Variants in NUP98 observed in about 807,000 individuals in gnomAD.
NUP98 encodes the protein nuclear pore complex protein Nup98-Nup96.
Under a neutral mutation model 191.9 loss-of-function variants are expected in NUP98, and 26 were observed. The observed-to-expected ratio is 0.14, with a 90% CI of 0.10 to 0.19. The LOEUF is 0.19. NUP98 is among the 10% of genes least tolerant of loss of function. The pLI is 1.00. For synonymous variants in NUP98, 808 were observed against 778.4 expected (o/e 1.04, Z -0.63); for missense variants, 1,941 against 2,178.8 (o/e 0.89, Z 2.17).
intron 20 of NUP98, among the ~76,000 whole-genome samples, chr11:3,708,667 GA>G (rs2078936405): frequency 6.7e-6 from 1 of 150,302 alleles, no homozygotes; most frequent in African/African-American, 2.5e-5. Flanking sequence ...TATTTTCCTG[GA>G]TATCTTGGCA....
chr11:3,725,002 T>C (rs980250798), intron 15 of NUP98, 101 bp downstream of exon 15: 20 of 605,484 alleles, frequency 3.3e-5, no homozygotes, highest in Non-Finnish European at 5.6e-5. Flanking sequence ...TTCTATGTAA[T>C]ATTCATCAAA....
intron 13 of NUP98, among the ~76,000 whole-genome samples, chr11:3,732,537 G>T (rs542230412): frequency 6.6e-6 from 1 of 151,542 alleles, no homozygotes; most frequent in South Asian, 2.1e-4. Context: ...TTGCTCTGGG[G>T]AAAAAAAAGG....
At chr11:3,788,558 T>C (rs1233751232) in intron 1 of NUP98, among the ~76,000 whole-genome samples, 8 of 152,080 alleles carry the variant, frequency 5.3e-5, no homozygotes. Context: ...GCCACTGCAC[T>C]ACAGCCTGGG....
intron 1 of NUP98, among the ~76,000 whole-genome samples, chr11:3,797,184 A>G (rs2082683661): frequency 6.6e-6 from 1 of 152,172 alleles, no homozygotes; most frequent in Non-Finnish European, 1.5e-5. Context: ...CCTAGACCCC[A>G]CTGATGTCCA....
intron 9 of NUP98, among the ~76,000 whole-genome samples, chr11:3,761,293 T>G (rs771416061): frequency 6.6e-6 from 1 of 152,176 alleles, no homozygotes; most frequent in South Asian, 2.1e-4. Flanking sequence ...AGAGACAAAT[T>G]GTATGGCATG....
At chr11:3,742,488 G>A (rs1329312341) in intron 12 of NUP98, among the ~76,000 whole-genome samples, 2 of 151,972 alleles carry the variant, frequency 1.3e-5, no homozygotes. Context: ...ATCACCTGAG[G>A]TCAGGAGTTC....
intron 16 of NUP98, among the ~76,000 whole-genome samples, chr11:3,722,295 T>C (rs1167187466): frequency 6.6e-6 from 1 of 151,626 alleles, no homozygotes; most frequent in Non-Finnish European, 1.5e-5. Flanking sequence ...TTTAAGTTTA[T>C]TGTAGATATC....
At chr11:3,790,245 C>T (rs1327651090) in intron 1 of NUP98, among the ~76,000 whole-genome samples, 1 of 152,160 alleles carries the variant, frequency 6.6e-6, no homozygotes, top group Non-Finnish European at 1.5e-5. Flanking sequence ...CAATTCTTTT[C>T]CCCTTGACTA....
Position 3,708,646 on chromosome 11 carries a change from G to C in NUP98, c.2743-2019C>G, listed in dbSNP as rs534559690. Among the ~76,000 whole-genome samples, 10 of 150,022 alleles carry C rather than the reference G, an allele frequency of 6.7e-5. No homozygotes were observed. In the South Asian group the frequency reaches 2.1e-3, roughly 31 times the overall value. On this transcript the variant is annotated intron_variant, in intron 20 of 32. Transcript: ENST00000324932. ...TAACTGCAACATACTCCCCAAAGCT[G>C]TCTGTGTACTTATTTTCCTGGATAT... is the stretch of plus-strand genomic sequence containing the variant.
At chr11:3,680,417 T>C (rs1163576910) in intron 30 of NUP98, among the ~76,000 whole-genome samples, 1 of 152,202 alleles carries the variant, frequency 6.6e-6, no homozygotes, top group Non-Finnish European at 1.5e-5. Flanking sequence ...TTCCATCACA[T>C]CTGCAAGTAC....
intron 19 of NUP98, among the ~76,000 whole-genome samples, chr11:3,713,134 C>G (rs1564833324): frequency 6.6e-6 from 1 of 152,168 alleles, no homozygotes; most frequent in African/African-American, 2.4e-5. Flanking sequence ...CTATTACGGA[C>G]AGTCAACCTC....
chr11:3,726,752 T>A (rs1222271292), intron 14 of NUP98, among the ~76,000 whole-genome samples: 1 of 151,964 alleles, frequency 6.6e-6, no homozygotes, highest in East Asian at 1.9e-4. Context: ...AAACATCTGA[T>A]GTTACCATCA....
chr11:3,702,121 C>G (rs1235816423), intron 23 of NUP98, among the ~76,000 whole-genome samples: 1 of 151,800 alleles, frequency 6.6e-6, no homozygotes, highest in East Asian at 1.9e-4. Flanking sequence ...GCATGTAATC[C>G]CAGCTTATCA....
intron 30 of NUP98, 74 bp downstream of exon 30, chr11:3,683,126 C>G: frequency 6.3e-7 from 1 of 1,587,372 alleles, no homozygotes; most frequent in Non-Finnish European, 8.6e-7. Context: ...TATTTCCAGT[C>G]TGACCCCATC....
intron 14 of NUP98, among the ~76,000 whole-genome samples, chr11:3,726,521 A>G (rs2079624551): frequency 6.7e-6 from 1 of 149,672 alleles, no homozygotes; most frequent in Non-Finnish European, 1.5e-5. Flanking sequence ...GACGCCACTG[A>G]CATTAAAAAA....
chr11:3,681,187 C>T (rs1299009894), intron 30 of NUP98, among the ~76,000 whole-genome samples: 3 of 152,140 alleles, frequency 2.0e-5, no homozygotes, highest in African/African-American at 7.2e-5. Flanking sequence ...AATATAGGCA[C>T]GCACCACCAT....
intron 18 of NUP98, among the ~76,000 whole-genome samples, chr11:3,716,790 A>C (rs1254221893): frequency 1.3e-5 from 2 of 152,156 alleles, no homozygotes; most frequent in East Asian, 1.9e-4. Context: ...GTATGCCACT[A>C]CCATACTGTT....
At position 3,714,054 on chromosome 11, in the gene NUP98, C is replaced by T. The variant is rs1348810461; in HGVS notation, c.2400-59G>A. 8 of 1,495,854 alleles carry T rather than the reference C, an allele frequency of 5.3e-6. No homozygotes were observed. In the East Asian group the frequency reaches 9.0e-5, roughly 17 times the overall value. 92.7% of individuals were successfully genotyped at this position (1,495,854 alleles called of 1,614,324 possible). On this transcript the variant is annotated intron_variant, in intron 18 of 32. Coordinates refer to ENST00000324932, the MANE Select transcript of NUP98 (RefSeq NM_016320.5). ...AAGTAAAAGCGCTTCATATATAAGA[C>T]CAGAAAGCCACCTAACACATAAATA...
At chr11:3,756,889 C>T (rs1257479127) in intron 10 of NUP98, among the ~76,000 whole-genome samples, 1 of 149,304 alleles carries the variant, frequency 6.7e-6, no homozygotes, top group Non-Finnish European at 1.5e-5. Context: ...AGATCGAGAC[C>T]ATCCCGGCTA....
Sources: allele counts gnomAD v4.1 joint callset (sites outside exome capture counted in the v4.1 genomes callset), GRCh38; gene constraint gnomAD v4.1.1; transcripts MANE v1.5; gene names NCBI Gene and HGNC (gene_info 2026-07-23, HGNC 2026-07-21).